DCUN1D2: variants seen among roughly 807,000 people sequenced by gnomAD.
DCUN1D2 encodes the protein defective in cullin neddylation 1 domain containing 2, also known as DCN1-like protein 2.
Under a neutral mutation model 30.9 loss-of-function variants are expected in DCUN1D2, and 29 were observed. That is an observed-to-expected ratio of 0.94 (90% CI 0.70 to 1.28). The LOEUF is 1.28. Ranked by LOEUF, DCUN1D2 falls within the 50% of genes most tolerant of loss-of-function variation. DCUN1D2 has a pLI of 0.00. For missense variants in DCUN1D2, 325 were observed against 316.9 expected (o/e 1.03, Z -0.19); for synonymous variants, 121 against 115.3 (o/e 1.05, Z -0.32).
chr13:113,473,441 G>A (rs570791067), intron 4 of DCUN1D2, among the ~76,000 whole-genome samples: 31 of 152,324 alleles, frequency 2.0e-4, no homozygotes, highest in Middle Eastern at 3.4e-3. Context: ...CACATTAATG[G>A]TCCATACAAA....
At chr13:113,481,842 C>T (rs1223929529) in intron 2 of DCUN1D2, among the ~76,000 whole-genome samples, 1 of 144,102 alleles carries the variant, frequency 6.9e-6, no homozygotes, top group Non-Finnish European at 1.5e-5. Context: ...CAAGATCATG[C>T]CATTGCACTC....
chr13:113,473,155 CCT>C (rs1214904806), intron 4 of DCUN1D2, among the ~76,000 whole-genome samples: 33 of 148,044 alleles, frequency 2.2e-4, no homozygotes, highest in African/African-American at 7.9e-4. Flanking sequence ...TGCCTCTGTC[CCT>C]CTGTCCCCCG....
chr13:113,484,101 G>C (rs760979002), intron 1 of DCUN1D2, 45 bp from the exon 2 acceptor site: 187 of 1,607,642 alleles, frequency 1.2e-4, no homozygotes, highest in Non-Finnish European at 1.4e-4. Flanking sequence ...AGCCGCTCCA[G>C]GTTTGTCCCA....
In DCUN1D2 at chr13:113,490,709, T is replaced by C; in HGVS notation, c.-40A>G. 1 of 1,199,616 alleles carries C rather than the reference T, an allele frequency of 8.3e-7. No individual in the cohort carries two copies. Among genetic ancestry groups the C allele is most frequent in the Non-Finnish European group, 1.0e-6 (1 of 967,218 alleles). 74.3% of individuals were successfully genotyped at this position (1,199,616 alleles called of 1,614,324 possible). A position where few individuals can be genotyped will look rare whatever the true frequency, so the allele number is the denominator to read the frequency against. On this transcript the variant is annotated 5_prime_UTR_variant, in exon 1 of 7. Transcript: ENST00000478244. The surrounding 1 kb of genome is among the most constrained non-coding windows in gnomAD (Gnocchi z 5.2). The stretch of plus-strand genomic sequence containing the variant: ...CCGCTTCTGGCCGGCCCCGGCCTTC[T>C]GCGCAGGCGCGGCGGCGGCTCCGCC...
At chr13:113,482,676 G>A (rs2044730660) in intron 2 of DCUN1D2, among the ~76,000 whole-genome samples, 1 of 152,220 alleles carries the variant, frequency 6.6e-6, no homozygotes, top group African/African-American at 2.4e-5. Flanking sequence ...TGGGTGCGGT[G>A]CCTCATGCCT....
In DCUN1D2 at chr13:113,457,732, C is replaced by T. The variant is rs972351354; in HGVS notation, c.*297G>A. The T allele has an allele frequency of 1.9e-5, 5 of 266,428 alleles. No homozygotes were observed. Among genetic ancestry groups the T allele is most frequent in the South Asian group, 7.7e-5 (1 of 12,938 alleles). 16.5% of individuals were successfully genotyped at this position (266,428 alleles called of 1,614,324 possible). On this transcript the variant is annotated 3_prime_UTR_variant, in exon 7 of 7. Transcript: ENST00000478244. ...GCATGCTCTGCGGTCCCACAGGCGG[C>T]GCTATGGCTCTACCTTAGTATTTTG...
rs2044227371 is a variant in DCUN1D2, at chr13:113,456,448, T to G, written c.*1581A>C. ...GTTCTCAGAAGCCAACCCAGCTGCT[T>G]GTCTGGGCCATGCTCTCTCACACCG... On this transcript the variant is annotated 3_prime_UTR_variant, in exon 7 of 7. Transcript: ENST00000478244. 1 of 398,764 alleles carries G rather than the reference T, an allele frequency of 2.5e-6. No homozygotes were observed. The allele number at this position is 398,764 out of a possible 1,614,324, so 24.7% of individuals were successfully genotyped here.
At chr13:113,470,843 CTCCACAGGGGACCCAAA>C (rs1477730748) in intron 4 of DCUN1D2, among the ~76,000 whole-genome samples, 1 of 150,278 alleles carries the variant, frequency 6.7e-6, no homozygotes, top group Non-Finnish European at 1.5e-5. Context: ...GAAGACCCAA[CTCCACAGGGGACCCAAA>C]TCCACAGGGA....
chr13:113,472,934 CTCT>C (rs2044547465), intron 4 of DCUN1D2, among the ~76,000 whole-genome samples: 1 of 152,102 alleles, frequency 6.6e-6, no homozygotes, highest in Admixed American at 6.5e-5. Flanking sequence ...AGCCCCGTCT[CTCT>C]CCCGTGTCCC....
chr13:113,484,088 T>G (rs1444566203), intron 1 of DCUN1D2, 32 bp from the exon 2 acceptor site: 6 of 1,610,182 alleles, frequency 3.7e-6, no homozygotes, highest in Non-Finnish European at 5.1e-6. Flanking sequence ...GGAAAGCCAA[T>G]GAAGCCGCTC....
intron 6 of DCUN1D2, among the ~76,000 whole-genome samples, chr13:113,458,563 T>C (rs2044265332): frequency 6.6e-6 from 1 of 152,242 alleles, no homozygotes; most frequent in Non-Finnish European, 1.5e-5. Context: ...CCTGCACTGC[T>C]GCCTCAATCC....
In DCUN1D2 at chr13:113,490,685, C is replaced by G. The variant is rs1475098653; in HGVS notation, c.-16G>C. On this transcript the variant is annotated 5_prime_UTR_variant, in exon 1 of 7. Transcript: ENST00000478244. This position sits in a 1 kb window ranked among gnomAD's most constrained non-coding sequence, Gnocchi z 5.2. The stretch of plus-strand genomic sequence containing the variant: ...CACCTACCATCTCCCCCGCGCCGCC[C>G]GCTTCTGGCCGGCCCCGGCCTTCTG... 1.6e-6 allele frequency: 2 copies of G among 1,236,072 alleles called. No individual in the cohort carries two copies. The highest frequency in any genetic ancestry group is 4.1e-5 in the Admixed American group (1 of 24,296). The allele number at this position is 1,236,072 out of a possible 1,614,324, so 76.6% of individuals were successfully genotyped here. A position where few individuals can be genotyped will look rare whatever the true frequency, so the allele number is the denominator to read the frequency against.
chr13:113,480,640 C>T lies in DCUN1D2; in HGVS notation c.324G>A (p.Lys108=), dbSNP rs2044691454. The change falls in exon 3 of 7, where the codon AAG becomes AAA. Residue 108 remains lysine, a synonymous_variant. Coordinates refer to ENST00000478244, the MANE Select transcript of DCUN1D2 (RefSeq NM_001014283.2). The part of the protein sequence containing the change: ...ASISVLVIAW[K]FRAATQCEFS... ...ATTCACACTGAGTTGCTGCCCTGAA[C>T]TTCCACGCTATGACCAATACACTGA... The T allele has an allele frequency of 3.7e-6, 6 of 1,614,162 alleles. No homozygotes were observed. The East Asian group carries it at 1.3e-4, about 36-fold the overall frequency.
chr13:113,481,958 T>C (rs1164468153), intron 2 of DCUN1D2, among the ~76,000 whole-genome samples: 1 of 151,704 alleles, frequency 6.6e-6, no homozygotes, highest in Non-Finnish European at 1.5e-5. Flanking sequence ...GAAAACAACC[T>C]CAGCATAGTT....
chr13:113,479,055 G>GT (rs1338463602), intron 3 of DCUN1D2: 2 of 152,146 alleles, frequency 1.3e-5, no homozygotes, highest in Non-Finnish European at 2.9e-5. Context: ...CATGATGATG[G>GT]TATCTCTCCT....
chr13:113,461,423 T>G (rs888630964), intron 4 of DCUN1D2, among the ~76,000 whole-genome samples: 1 of 152,232 alleles, frequency 6.6e-6, no homozygotes, highest in Non-Finnish European at 1.5e-5. Context: ...TTCACACATA[T>G]TGGGTGTTCT....
At chr13:113,473,168 T>C (rs1294808122) in intron 4 of DCUN1D2, among the ~76,000 whole-genome samples, 1 of 150,230 alleles carries the variant, frequency 6.7e-6, no homozygotes, top group Non-Finnish European at 1.5e-5. Flanking sequence ...CTGTCCCCCG[T>C]CTCTCTATCC....
chr13:113,459,726 C>G (rs2044288080), intron 5 of DCUN1D2, among the ~76,000 whole-genome samples: 1 of 152,182 alleles, frequency 6.6e-6, no homozygotes, highest in African/African-American at 2.4e-5. Context: ...TATATATTCA[C>G]GAACAGCTCA....
intron 3 of DCUN1D2, chr13:113,475,508 T>C (rs2044600619): frequency 6.6e-6 from 1 of 152,244 alleles, no homozygotes; most frequent in South Asian, 2.1e-4. Context: ...TTCCTAACGA[T>C]GCACTTCTCA....
Sources: allele counts gnomAD v4.1 joint callset (sites outside exome capture counted in the v4.1 genomes callset), GRCh38; gene constraint gnomAD v4.1.1; non-coding constraint Gnocchi (gnomAD v3.1); transcripts MANE v1.5; gene names NCBI Gene and HGNC (gene_info 2026-07-23, HGNC 2026-07-21).